The following PLEKHA5 variants were observed in gnomAD, a reference collection of about 807,000 sequenced individuals.
PLEKHA5 encodes the protein pleckstrin homology domain-containing family A member 5.
PLEKHA5 carries 55 observed loss-of-function variants against 181.9 expected under a neutral mutation model. That is an observed-to-expected ratio of 0.30 (90% confidence interval 0.24 to 0.38). The LOEUF (loss-of-function observed/expected upper bound fraction) is 0.38, where lower values mean the gene tolerates loss of function less well. Among genes scored for constraint, PLEKHA5 ranks in the 10% least tolerant of loss-of-function variants. PLEKHA5 has a pLI of 1.00. For synonymous variants in PLEKHA5, 535 were observed against 529.4 expected (o/e 1.01, Z -0.15); for missense variants, 1,432 against 1,549.5 (o/e 0.92, Z 1.27).
chr12:19,136,903 G>A (rs966098243), intron 3 of PLEKHA5, among the ~76,000 whole-genome samples: 5 of 151,926 alleles, frequency 3.3e-5, no homozygotes, highest in African/African-American at 9.7e-5. Context: ...CAAAACTAGC[G>A]TTGCAAGTAA....
Position 19,182,417 on chromosome 12 carries a change from G to T in PLEKHA5, c.227+49967G>T, listed in dbSNP as rs1443221236. The stretch of plus-strand genomic sequence containing the variant: ...GGAAAAGCTTCAGTTTCTTGCAAAG[G>T]TGTTGTATATGGGAACTTTAAAATG... On this transcript the variant is annotated intron_variant, in intron 3 of 31. Coordinates refer to ENST00000429027, the MANE Select transcript of PLEKHA5 (RefSeq NM_001256470.2). 2.6e-5 allele frequency among the ~76,000 whole-genome samples: 4 copies of T among 152,162 alleles called. No individual in the cohort carries two copies. The South Asian group carries it at 6.2e-4, about 24-fold the overall frequency.
At chr12:19,273,032 G>T (rs960494152) in intron 10 of PLEKHA5, among the ~76,000 whole-genome samples, 4 of 151,250 alleles carry the variant, frequency 2.6e-5, no homozygotes, top group Admixed American at 2.0e-4. Context: ...TCAGCCTCCC[G>T]AGTAGGTGGG....
chr12:19,356,886 C>T (rs1042781872), intron 26 of PLEKHA5, among the ~76,000 whole-genome samples: 11 of 152,032 alleles, frequency 7.2e-5, no homozygotes, highest in Non-Finnish European at 1.5e-4. Flanking sequence ...GTCTCTAACT[C>T]CTGACCTCGT....
intron 15 of PLEKHA5, among the ~76,000 whole-genome samples, chr12:19,299,944 C>T (rs1187704445): frequency 6.6e-6 from 1 of 152,146 alleles, no homozygotes; most frequent in East Asian, 1.9e-4. Flanking sequence ...AATTCCTCCC[C>T]CATAAACCCG....
Position 19,369,223 on chromosome 12 carries a change from C to T in PLEKHA5, c.3755-470C>T, listed in dbSNP as rs546002488. Among the ~76,000 whole-genome samples the T allele has an allele frequency of 5.9e-5, 9 of 151,624 alleles. No homozygotes were observed. The East Asian group carries it at 1.8e-3, about 30-fold the overall frequency. On this transcript the variant is annotated intron_variant, in intron 30 of 31. Transcript: ENST00000429027. Reference sequence around the variant, plus strand: ...CTAATTTTTGTATTTTTAGTAGAGTCGGGGTTTCACCATGTTGGCCTGGCT... The same window carrying T: ...CTAATTTTTGTATTTTTAGTAGAGTTGGGGTTTCACCATGTTGGCCTGGCT...
intron 3 of PLEKHA5, among the ~76,000 whole-genome samples, chr12:19,162,039 A>G (rs2043080081): frequency 6.6e-6 from 1 of 152,202 alleles, no homozygotes; most frequent in South Asian, 2.1e-4. Context: ...TGCTAATACA[A>G]GTGTGGCTTG....
chr12:19,240,830 G>A (rs1337564077), intron 3 of PLEKHA5, among the ~76,000 whole-genome samples: 1 of 151,898 alleles, frequency 6.6e-6, no homozygotes, highest in African/African-American at 2.4e-5. Context: ...TCTGAGTTAG[G>A]GTTCTGCCCA....
rs184524474 is a variant in PLEKHA5 at position 19,272,622 on chromosome 12, G to A, written c.846-1894G>A. ...TGTGGTGGCGTGTACCTATAGTCCCGGCTGCTCGGGAGGCTGAGAGGGAAG... is the reference window on the plus strand; with the variant it reads ...TGTGGTGGCGTGTACCTATAGTCCCAGCTGCTCGGGAGGCTGAGAGGGAAG... On this transcript the variant is annotated intron_variant, in intron 10 of 31. Transcript: ENST00000429027. Among the ~76,000 whole-genome samples, 18 of 151,922 alleles carry A rather than the reference G, an allele frequency of 1.2e-4. No individual in the cohort carries two copies. In the East Asian group the frequency reaches 2.1e-3, roughly 18 times the overall value.
rs370226220 is a variant in PLEKHA5, at chr12:19,147,850, C to T, written c.227+15400C>T. On this transcript the variant is annotated intron_variant, in intron 3 of 31. Coordinates refer to ENST00000429027, the MANE Select transcript of PLEKHA5 (RefSeq NM_001256470.2). ...TTCCTGGCTTCAAGTGATCCTTCTGCCTCAGCCTCCCGAGTAGCTGGGACC... is the reference window on the plus strand; with the variant it reads ...TTCCTGGCTTCAAGTGATCCTTCTGTCTCAGCCTCCCGAGTAGCTGGGACC... Among the ~76,000 whole-genome samples, 23 of 152,142 alleles carry T rather than the reference C, an allele frequency of 1.5e-4. 1 individual carries two copies. The East Asian group carries it at 3.3e-3, about 22-fold the overall frequency.
At chr12:19,350,941 T>C (rs915908449) in intron 25 of PLEKHA5, among the ~76,000 whole-genome samples, 2 of 149,324 alleles carry the variant, frequency 1.3e-5, no homozygotes, top group African/African-American at 2.5e-5. Context: ...TAATCCTGTC[T>C]CCTTATTCAA....
At chr12:19,313,727 C>G (rs2087458534) in intron 15 of PLEKHA5, among the ~76,000 whole-genome samples, 2 of 152,020 alleles carry the variant, frequency 1.3e-5, no homozygotes, top group African/African-American at 4.8e-5. Flanking sequence ...TTCATTATCA[C>G]TTAACTGACT....
chr12:19,209,457 G>A (rs140540510), intron 3 of PLEKHA5, among the ~76,000 whole-genome samples: 43 of 152,286 alleles, frequency 2.8e-4, no homozygotes, highest in East Asian at 1.4e-3. Context: ...ACCATAGACC[G>A]CTTGATTGAT....
intron 3 of PLEKHA5, among the ~76,000 whole-genome samples, chr12:19,214,704 A>C (rs2057611339): frequency 6.6e-6 from 1 of 152,042 alleles, no homozygotes; most frequent in Admixed American, 6.6e-5. Flanking sequence ...GCTTAAGGAG[A>C]GTGACAAAAA....
At chr12:19,223,343 T>C (rs1214115003) in intron 3 of PLEKHA5, among the ~76,000 whole-genome samples, 1 of 152,174 alleles carries the variant, frequency 6.6e-6, no homozygotes, top group East Asian at 1.9e-4. Context: ...TTAAAATGTT[T>C]TTGTTTTTTT....
rs141626131 is a variant in PLEKHA5, at chr12:19,300,691, A to G, written c.2037+8994A>G. 3.1e-3 allele frequency among the ~76,000 whole-genome samples: 465 copies of G among 152,264 alleles called. 2 individuals carry two copies. Among genetic ancestry groups the G allele is most frequent in the African/African-American group, 0.01 (427 of 41,552 alleles). On this transcript the variant is annotated intron_variant, in intron 15 of 31. Coordinates refer to ENST00000429027, the MANE Select transcript of PLEKHA5 (RefSeq NM_001256470.2). ...CAAAAACATTTCTAAAATTGACCTA[A>G]AGGTGTCATTATGTTGTTGAAACAT...
At chr12:19,220,672 T>C (rs1427295553) in intron 3 of PLEKHA5, among the ~76,000 whole-genome samples, 1 of 152,210 alleles carries the variant, frequency 6.6e-6, no homozygotes, top group African/African-American at 2.4e-5. Flanking sequence ...AACTGAAAAG[T>C]TGAGTCGTTT....
At chr12:19,158,818 A>G (rs1189826355) in intron 3 of PLEKHA5, among the ~76,000 whole-genome samples, 4 of 151,980 alleles carry the variant, frequency 2.6e-5, no homozygotes, top group Non-Finnish European at 5.9e-5. Context: ...TAGTGACTTA[A>G]TTTTCTTACT....
At chr12:19,293,417 TC>T (rs1354393507) in intron 15 of PLEKHA5, among the ~76,000 whole-genome samples, 4 of 152,200 alleles carry the variant, frequency 2.6e-5, no homozygotes, top group African/African-American at 9.6e-5. Context: ...GAATTCCAGA[TC>T]TTCAATCCAG....
chr12:19,190,260 C>T (rs550642494), intron 3 of PLEKHA5, among the ~76,000 whole-genome samples: 95 of 152,252 alleles, frequency 6.2e-4, no homozygotes, highest in Non-Finnish European at 1.0e-3. Flanking sequence ...AGGAAAACTT[C>T]CTTATGGATA....
Sources: allele counts gnomAD v4.1 joint callset (sites outside exome capture counted in the v4.1 genomes callset), GRCh38; gene constraint gnomAD v4.1.1; transcripts MANE v1.5; gene names NCBI Gene and HGNC (gene_info 2026-07-23, HGNC 2026-07-21).